LDB2: variants seen among roughly 807,000 people sequenced by gnomAD.
LDB2 encodes LIM domain binding 2.
In LDB2, 12 loss-of-function variants were observed where a neutral mutation model predicts 44.3. The observed-to-expected ratio is 0.27, with a 90% CI of 0.17 to 0.44. The LOEUF (loss-of-function observed/expected upper bound fraction) is 0.44, where lower values mean the gene tolerates loss of function less well. LDB2 is among the 20% of genes least tolerant of loss of function. The pLI is 1.00. For synonymous variants in LDB2, 164 were observed against 174.8 expected (o/e 0.94, Z 0.49); for missense variants, 344 against 473.5 (o/e 0.73, Z 2.54).
chr4:16,503,235 G>T, intron 7 of LDB2: 2 of 1,183,356 alleles, frequency 1.7e-6, no homozygotes, highest in Non-Finnish European at 2.4e-6. Flanking sequence ...TCTGCTGGGT[G>T]CTTCTCAATA....
At chr4:16,699,074 G>T (rs2152627374) in intron 2 of LDB2, among the ~76,000 whole-genome samples, 1 of 152,246 alleles carries the variant, frequency 6.6e-6, no homozygotes, top group Admixed American at 6.5e-5. Context: ...TTACCCATTT[G>T]TTCAAATAAG....
intron 1 of LDB2, among the ~76,000 whole-genome samples, chr4:16,789,076 G>A (rs957358949): frequency 6.6e-6 from 1 of 152,120 alleles, no homozygotes; most frequent in Non-Finnish European, 1.5e-5. Flanking sequence ...CATTCCCTGA[G>A]CACACACTGG....
At chr4:16,853,828 G>C (rs1030150997) in intron 1 of LDB2, among the ~76,000 whole-genome samples, 16 of 152,050 alleles carry the variant, frequency 1.1e-4, no homozygotes, top group Admixed American at 5.9e-4. Context: ...ATCTGCTACA[G>C]CATGGATGAG....
chr4:16,812,402 T>C (rs1561311737), intron 1 of LDB2, among the ~76,000 whole-genome samples: 2 of 152,034 alleles, frequency 1.3e-5, no homozygotes, highest in Admixed American at 1.3e-4. Flanking sequence ...GTAGTTAAAG[T>C]TTTAACATAC....
chr4:16,822,097 C>T (rs1782196182), intron 1 of LDB2, among the ~76,000 whole-genome samples: 1 of 142,282 alleles, frequency 7.0e-6, no homozygotes, highest in Non-Finnish European at 1.5e-5. Context: ...CAAAAGAAGG[C>T]TTACTAGGAT....
intron 1 of LDB2, among the ~76,000 whole-genome samples, chr4:16,876,173 A>T (rs1335967899): frequency 6.6e-6 from 1 of 152,194 alleles, no homozygotes; most frequent in Non-Finnish European, 1.5e-5. Context: ...GCTAGACAGA[A>T]ATTCTTCTTA....
chr4:16,698,890 A>AAAGTCTCAGC (rs1752796489), intron 2 of LDB2, among the ~76,000 whole-genome samples: 1 of 152,214 alleles, frequency 6.6e-6, no homozygotes, highest in Non-Finnish European at 1.5e-5. Flanking sequence ...CAAAATTCCT[A>AAAGTCTCAGC]AAGTCTCAGC....
At chr4:16,772,237 T>G (rs1342750281) in intron 1 of LDB2, among the ~76,000 whole-genome samples, 2 of 152,212 alleles carry the variant, frequency 1.3e-5, no homozygotes, top group African/African-American at 4.8e-5. Flanking sequence ...CAGTCTATAT[T>G]TTTCCTTGAT....
intron 1 of LDB2, among the ~76,000 whole-genome samples, chr4:16,869,966 A>G (rs975526318): frequency 2.4e-4 from 36 of 152,190 alleles, no homozygotes; most frequent in African/African-American, 7.7e-4. Context: ...CATGTATCTC[A>G]GTCTTTGGGG....
At chr4:16,720,796 T>C (rs541123164) in intron 2 of LDB2, among the ~76,000 whole-genome samples, 75 of 152,314 alleles carry the variant, frequency 4.9e-4, no homozygotes, top group African/African-American at 1.7e-3. Context: ...GGAATTACCA[T>C]GTTGCAGCAA....
chr4:16,684,945 C>T (rs1345207834), intron 2 of LDB2, among the ~76,000 whole-genome samples: 1 of 152,094 alleles, frequency 6.6e-6, no homozygotes, highest in African/African-American at 2.4e-5. Context: ...TGGCTGTGTT[C>T]CAATAAAACT....
At chr4:16,512,394 G>A (rs1273583795) in intron 5 of LDB2, among the ~76,000 whole-genome samples, 3 of 152,006 alleles carry the variant, frequency 2.0e-5, no homozygotes, top group Non-Finnish European at 4.4e-5. Flanking sequence ...AGACAATGGG[G>A]TGGATATATG....
At chr4:16,647,155 C>A (rs770913699) in intron 2 of LDB2, among the ~76,000 whole-genome samples, 3 of 152,150 alleles carry the variant, frequency 2.0e-5, no homozygotes, top group Non-Finnish European at 4.4e-5. Context: ...ATATATAGTA[C>A]AACTTGGAGG....
intron 1 of LDB2, among the ~76,000 whole-genome samples, chr4:16,779,730 C>G (rs955711202): frequency 6.6e-6 from 1 of 152,192 alleles, no homozygotes; most frequent in Non-Finnish European, 1.5e-5. Flanking sequence ...TTTCCCCTTC[C>G]CCATGGTCAG....
At chr4:16,551,996 C>G (rs1474641105) in intron 5 of LDB2, among the ~76,000 whole-genome samples, 1 of 151,994 alleles carries the variant, frequency 6.6e-6, no homozygotes, top group Non-Finnish European at 1.5e-5. Context: ...TTCATTCATT[C>G]TTCCAACTAT....
chr4:16,727,324 C>T (rs1483076218), intron 2 of LDB2, among the ~76,000 whole-genome samples: 6 of 152,176 alleles, frequency 3.9e-5, no homozygotes, highest in Non-Finnish European at 8.8e-5. Context: ...AATTTCCAAA[C>T]GAAAAGGCTG....
At chr4:16,642,907 T>C (rs368942991) in intron 2 of LDB2, among the ~76,000 whole-genome samples, 215 of 152,306 alleles carry the variant, frequency 1.4e-3, no homozygotes, top group African/African-American at 5.0e-3. Flanking sequence ...AAGAAAATTG[T>C]AGAGGGGTGG....
At chr4:16,548,020 G>A (rs369855269) in intron 5 of LDB2, among the ~76,000 whole-genome samples, 11 of 151,190 alleles carry the variant, frequency 7.3e-5, no homozygotes, top group African/African-American at 1.5e-4. Flanking sequence ...GTGCAGTGGC[G>A]TCATCTTGGC....
At chr4:16,884,184 A>G (rs984292328) in intron 1 of LDB2, among the ~76,000 whole-genome samples, 6 of 152,192 alleles carry the variant, frequency 3.9e-5, no homozygotes, top group African/African-American at 1.4e-4. Flanking sequence ...CCTCGGCCCA[A>G]TAGTAGACGC....
Sources: allele counts gnomAD v4.1 joint callset (sites outside exome capture counted in the v4.1 genomes callset), GRCh38; gene constraint gnomAD v4.1.1; transcripts MANE v1.5; gene names NCBI Gene and HGNC (gene_info 2026-07-23, HGNC 2026-07-21).